The following ZNF777 variants were observed in gnomAD, a reference collection of about 807,000 sequenced individuals.
ZNF777 encodes the protein zinc finger protein 777.
ZNF777 carries 7 observed loss-of-function variants against 72.1 expected under a neutral mutation model. The ratio of observed to expected loss-of-function variants is 0.10; its 90% CI spans 0.06 to 0.18. ZNF777 has a LOEUF of 0.18. ZNF777 is among the 10% of genes least tolerant of loss of function. The pLI, the probability that ZNF777 is intolerant of heterozygous loss-of-function variation, is 1.00. For synonymous variants in ZNF777, 545 were observed against 483.5 expected, an observed-to-expected ratio of 1.13 and a Z score of -1.67; for missense variants, 828 against 1,128.6, an observed-to-expected ratio of 0.73 and a Z score of 3.82.
At chr7:149,439,336 A>C (rs942947221) in intron 4 of ZNF777, among the ~76,000 whole-genome samples, 1 of 152,164 alleles carries the variant, frequency 6.6e-6, no homozygotes, top group Non-Finnish European at 1.5e-5. Flanking sequence ...TTGCTTGCTT[A>C]CACCTTAAAA....
rs748723757 is a variant in ZNF777 at position 149,455,483 on chromosome 7, C to T, written c.540G>A (p.Thr180=). ...ACACAGCCAAGCGGGTGATCTCTGCCGTGGGGAGCGGCTGTTCCTTCTGGA... is the reference window on the plus strand; with the variant it reads ...ACACAGCCAAGCGGGTGATCTCTGCTGTGGGGAGCGGCTGTTCCTTCTGGA... ...SAVQKEQPLP[T]AEITRLAVWA... is the part of the protein sequence containing the mutation. Residue 180 remains threonine (T), a synonymous_variant, in exon 2 of 6, where the codon ACG becomes ACA. Transcript: ENST00000247930. The surrounding 1 kb of genome is among the most constrained non-coding windows in gnomAD (Gnocchi z 4.2). 2.3e-5 allele frequency: 37 copies of T among 1,613,946 alleles called. No individual in the cohort carries two copies. Among genetic ancestry groups the T allele is most frequent in the African/African-American group, 1.7e-4 (13 of 74,910 alleles).
At chr7:149,444,806 G>C (rs1799576971) in intron 4 of ZNF777, among the ~76,000 whole-genome samples, 1 of 152,226 alleles carries the variant, frequency 6.6e-6, no homozygotes. Context: ...GAAGCTCGTA[G>C]GATTTCCTTT....
chr7:149,450,259 G>A (rs1799689307), intron 4 of ZNF777, among the ~76,000 whole-genome samples: 1 of 152,234 alleles, frequency 6.6e-6, no homozygotes, highest in Admixed American at 6.5e-5. Flanking sequence ...GTGTGAGTGT[G>A]TGAGCCACTG....
chr7:149,456,399 G>C (rs1376026232), intron 1 of ZNF777, among the ~76,000 whole-genome samples: 3 of 152,146 alleles, frequency 2.0e-5, no homozygotes, highest in Non-Finnish European at 4.4e-5. Context: ...TGTCACTCTG[G>C]ATCGGTCGTT....
intron 3 of ZNF777, among the ~76,000 whole-genome samples, chr7:149,452,294 A>C (rs957313844): frequency 2.0e-5 from 3 of 150,640 alleles, no homozygotes; most frequent in African/African-American, 4.9e-5. Flanking sequence ...AACAAACAAA[A>C]AAAGATGCAC....
intron 1 of ZNF777, among the ~76,000 whole-genome samples, chr7:149,458,101 C>A (rs182606159): frequency 1.4e-4 from 22 of 152,292 alleles, no homozygotes; most frequent in African/African-American, 5.1e-4. Flanking sequence ...GGAGGAAGGC[C>A]TTGCCTTTAG....
At position 149,455,890 on chromosome 7, in the gene ZNF777, A is replaced by G. The variant is rs1439526355; in HGVS notation, c.133T>C (p.Ser45Pro). Residue 45 changes from serine to proline, a missense_variant, in exon 2 of 6, where the codon TCT becomes CCT. Ser to Pro is a moderately conservative substitution (Grantham distance 74, BLOSUM62 -1). Coordinates refer to ENST00000247930, the MANE Select transcript of ZNF777 (RefSeq NM_015694.3). This position sits in a 1 kb window ranked among gnomAD's most constrained non-coding sequence, Gnocchi z 4.2. The stretch of plus-strand genomic sequence containing the variant: ...TGACGGGGAATGGTGGGAGACAAAG[A>G]AGGAATTTCTTTGGGAGGAAGAACG... ...SRVLPPKEIP[S>P]LSPTIPRQGS... is the part of the protein sequence containing the mutation. 2 of 1,612,706 alleles carry G rather than the reference A, an allele frequency of 1.2e-6. No individual in the cohort carries two copies. Among genetic ancestry groups the G allele is most frequent in the Non-Finnish European group, 1.7e-6 (2 of 1,179,802 alleles).
Position 149,454,257 on chromosome 7 carries a change from C to T in ZNF777, c.847-20G>A, listed in dbSNP as rs766565275. The T allele has an allele frequency of 1.7e-5, 27 of 1,613,502 alleles. 1 individual carries two copies. Among genetic ancestry groups the T allele is most frequent in the South Asian group, 7.7e-5 (7 of 91,064 alleles). On this transcript the variant is annotated intron_variant, in intron 2 of 5. Coordinates refer to ENST00000247930, the MANE Select transcript of ZNF777 (RefSeq NM_015694.3). ...AGGGACCTGAAACCACACAATAACT[C>T]GGCTCAGACCCGCTGGAAGGCAGTG...
In ZNF777 at chr7:149,455,616, T is replaced by C; in HGVS notation, c.407A>G (p.Glu136Gly). The change falls in exon 2 of 6, where the codon GAG becomes GGG. Residue 136 changes from glutamate to glycine, a missense_variant. By Grantham distance (98) the Glu-to-Gly change is moderately conservative. Coordinates refer to ENST00000247930, the MANE Select transcript of ZNF777 (RefSeq NM_015694.3). The surrounding 1 kb of genome is among the most constrained non-coding windows in gnomAD (Gnocchi z 4.2). ...TGGGGAAAGGGTCAGGGGGTCTTTC[T>C]CAGGAGCTTCAGGGGAGTGAACGGG... ...EAPVHSPEAP[E>G]KDPLTLSPTV... The C allele has an allele frequency of 6.4e-7, 1 of 1,555,956 alleles. No individual in the cohort carries two copies. Among genetic ancestry groups the C allele is most frequent in the African/African-American group, 1.4e-5 (1 of 69,542 alleles).
At chr7:149,458,833 A>T (rs1799885670) in intron 1 of ZNF777, among the ~76,000 whole-genome samples, 1 of 152,216 alleles carries the variant, frequency 6.6e-6, no homozygotes, top group African/African-American at 2.4e-5. Context: ...CCTAAAACGA[A>T]TAAGCTCAAA....
At chr7:149,459,781 C>G in intron 1 of ZNF777, 9 of 984,936 alleles carry the variant, frequency 9.1e-6, no homozygotes, top group Non-Finnish European at 1.1e-5. Flanking sequence ...TCCGCGGGGC[C>G]GAGCTCTGCG....
intron 4 of ZNF777, among the ~76,000 whole-genome samples, chr7:149,448,760 G>A (rs1464817980): frequency 1.3e-5 from 2 of 151,780 alleles, no homozygotes; most frequent in African/African-American, 2.4e-5. Context: ...AACTTGCTAG[G>A]TGAAGATGGT....
chr7:149,435,144 G>A (rs1799389364), intron 5 of ZNF777, among the ~76,000 whole-genome samples: 2 of 152,050 alleles, frequency 1.3e-5, no homozygotes, highest in African/African-American at 2.4e-5. Flanking sequence ...ATACCATGGA[G>A]TTACTTAAAA....
intron 4 of ZNF777, among the ~76,000 whole-genome samples, chr7:149,448,601 A>AG: frequency 7.1e-6 from 1 of 140,820 alleles, no homozygotes; most frequent in Non-Finnish European, 1.5e-5. Context: ...ATATATATAT[A>AG]TATATATATA....
chr7:149,441,234 TG>T (rs1799509106), intron 4 of ZNF777, among the ~76,000 whole-genome samples: 1 of 152,324 alleles, frequency 6.6e-6, no homozygotes, highest in East Asian at 1.9e-4. Context: ...ACATACATTG[TG>T]GGAATATAGT....
chr7:149,454,387 G>A (rs189556277), intron 2 of ZNF777, 150 bp from the exon 3 acceptor site: 7 of 929,870 alleles, frequency 7.5e-6, no homozygotes, highest in Admixed American at 2.8e-5. Flanking sequence ...AAAGAGTGAG[G>A]GGCCTGTCTT....
chr7:149,457,301 C>T (rs1000102341), intron 1 of ZNF777, among the ~76,000 whole-genome samples: 1 of 152,222 alleles, frequency 6.6e-6, no homozygotes, highest in East Asian at 1.9e-4. Context: ...AACACAATTT[C>T]TCCTGTAACA....
chr7:149,439,101 A>G (rs1245391105), intron 4 of ZNF777, among the ~76,000 whole-genome samples: 1 of 147,684 alleles, frequency 6.8e-6, no homozygotes, highest in Non-Finnish European at 1.5e-5. Context: ...AATCTCAGGG[A>G]AAGTAATGTC....
chr7:149,432,886 CTCTTCTTCCTCCTCG>C lies in ZNF777; in HGVS notation c.1371_1385del (p.Asp457_Glu461del). ...GCTGCGGCAGCTCATCCTCCTCCTCCTCTTCTTCCTCCTCGTCTTGTTCCTCTGTCTTGATCACGA... is the reference window on the plus strand; with the variant it reads ...GCTGCGGCAGCTCATCCTCCTCCTCCTCTTGTTCCTCTGTCTTGATCACGA... On this transcript the variant is annotated inframe_deletion, in exon 6 of 6. Coordinates refer to ENST00000247930, the MANE Select transcript of ZNF777 (RefSeq NM_015694.3). 1 of 1,536,946 alleles carries C rather than the reference CTCTTCTTCCTCCTCG, an allele frequency of 6.5e-7. No homozygotes were observed. Among genetic ancestry groups the C allele is most frequent in the Non-Finnish European group, 8.7e-7 (1 of 1,143,064 alleles).
Sources: allele counts gnomAD v4.1 joint callset (sites outside exome capture counted in the v4.1 genomes callset), GRCh38; gene constraint gnomAD v4.1.1; non-coding constraint Gnocchi (gnomAD v3.1); transcripts MANE v1.5; gene names NCBI Gene and HGNC (gene_info 2026-07-23, HGNC 2026-07-21).